The following RAD51B variants were observed in gnomAD, a reference collection of about 807,000 sequenced individuals.
The protein encoded by RAD51B is RAD51 paralog B.
RAD51B carries 38 observed loss-of-function variants against 42.2 expected under a neutral mutation model. The observed-to-expected ratio is 0.90, with a 90% CI of 0.70 to 1.18. The LOEUF is 1.18. Ranked by LOEUF, RAD51B falls within the 50% of genes most tolerant of loss-of-function variation. The pLI is 0.00. For synonymous variants in RAD51B, 154 were observed against 145.2 expected (o/e 1.06, Z -0.43); for missense variants, 373 against 400.7 (o/e 0.93, Z 0.59).
At chr14:68,492,659 C>T (rs556662412) in intron 10 of RAD51B, among the ~76,000 whole-genome samples, 1 of 152,268 alleles carries the variant, frequency 6.6e-6, no homozygotes, top group South Asian at 2.1e-4. Flanking sequence ...ATAGCAGGTG[C>T]CTAGTGGTAC....
chr14:68,642,330 G>A lies in RAD51B; in HGVS notation c.1037-8451G>A, dbSNP rs148055574. Among the ~76,000 whole-genome samples the A allele has an allele frequency of 2.1e-4, 32 of 152,164 alleles. No homozygotes were observed. In the East Asian group the frequency reaches 5.0e-3, roughly 24 times the overall value. On this transcript the variant is annotated intron_variant, in intron 10 of 11. Transcript: ENST00000488612. ...GTCTATTTCTTCTTGTATGAGTTTC[G>A]CCAGATTGTATCCTTTAAGGAATGA...
intron 10 of RAD51B, among the ~76,000 whole-genome samples, chr14:68,551,172 C>T (rs989739204): frequency 2.0e-5 from 3 of 152,186 alleles, no homozygotes; most frequent in South Asian, 2.1e-4. Flanking sequence ...TCTCCCCACA[C>T]GGCTGCTGTC....
intron 7 of RAD51B, among the ~76,000 whole-genome samples, chr14:68,127,633 A>T (rs2077792727): frequency 6.9e-6 from 1 of 145,078 alleles, no homozygotes; most frequent in South Asian, 2.1e-4. Flanking sequence ...ACACACACAC[A>T]CACACACACA....
chr14:68,537,224 C>G (rs1239192639), intron 10 of RAD51B, among the ~76,000 whole-genome samples: 1 of 151,964 alleles, frequency 6.6e-6, no homozygotes, highest in Non-Finnish European at 1.5e-5. Flanking sequence ...CATGGCCAGT[C>G]GCAGTGGCTC....
chr14:67,897,845 T>C (rs1438317293), intron 7 of RAD51B, among the ~76,000 whole-genome samples: 1 of 152,058 alleles, frequency 6.6e-6, no homozygotes, highest in South Asian at 2.1e-4. Context: ...AGAGATGAGG[T>C]TTCACCATGT....
chr14:68,423,071 G>C (rs1384839643), intron 9 of RAD51B, among the ~76,000 whole-genome samples: 1 of 152,100 alleles, frequency 6.6e-6, no homozygotes, highest in Non-Finnish European at 1.5e-5. Context: ...TCATTTTATT[G>C]TTACAAAGGG....
chr14:68,587,942 C>G (rs902017356), intron 10 of RAD51B, among the ~76,000 whole-genome samples: 5 of 152,184 alleles, frequency 3.3e-5, no homozygotes, highest in Admixed American at 2.6e-4. Context: ...TATAGATCCT[C>G]GCTCCTATAA....
chr14:68,572,169 C>A (rs538572854), intron 10 of RAD51B, among the ~76,000 whole-genome samples: 1 of 152,184 alleles, frequency 6.6e-6, no homozygotes, highest in Non-Finnish European at 1.5e-5. Flanking sequence ...AACAAAAGGT[C>A]GTCTGGCCAA....
intron 8 of RAD51B, among the ~76,000 whole-genome samples, chr14:68,371,042 AAAAAAAAAAAAAAG>A (rs1166500841): frequency 4.7e-5 from 6 of 128,266 alleles, no homozygotes; most frequent in African/African-American, 9.9e-5. Flanking sequence ...GTCTCAAAAA[AAAAAAAAAAAAAAG>A]AAAAAAAGAA....
At chr14:68,436,615 T>C (rs2085155082) in intron 9 of RAD51B, among the ~76,000 whole-genome samples, 1 of 152,184 alleles carries the variant, frequency 6.6e-6, no homozygotes, top group Non-Finnish European at 1.5e-5. Flanking sequence ...TTGCACAGTA[T>C]GGCCATTTTA....
At chr14:68,143,014 AG>A (rs1234944720) in intron 7 of RAD51B, among the ~76,000 whole-genome samples, 2 of 111,558 alleles carry the variant, frequency 1.8e-5, no homozygotes, top group African/African-American at 8.9e-5. Flanking sequence ...GCGGAGGGCG[AG>A]GGGGTGGGGG....
chr14:67,952,387 C>T lies in RAD51B; in HGVS notation c.756+65183C>T, dbSNP rs149672109. On this transcript the variant is annotated intron_variant, in intron 7 of 10. Transcript: ENST00000471583. Reference sequence around the variant, plus strand: ...GAAGCGTTTCTGCAATATTAATGAACGGACAGATATATGGGAAGAAGTGAT... The same window carrying T: ...GAAGCGTTTCTGCAATATTAATGAATGGACAGATATATGGGAAGAAGTGAT... Among the ~76,000 whole-genome samples the T allele has an allele frequency of 1.4e-4, 22 of 152,178 alleles. No individual in the cohort carries two copies. In the East Asian group the frequency reaches 2.7e-3, roughly 19 times the overall value.
At chr14:68,050,758 G>T (rs540717988) in intron 7 of RAD51B, among the ~76,000 whole-genome samples, 1 of 152,130 alleles carries the variant, frequency 6.6e-6, no homozygotes, top group South Asian at 2.1e-4. Flanking sequence ...AACAAGCTGT[G>T]TGTTTTTGCA....
chr14:68,587,101 G>A (rs868346571), intron 10 of RAD51B, among the ~76,000 whole-genome samples: 1 of 152,138 alleles, frequency 6.6e-6, no homozygotes, highest in Non-Finnish European at 1.5e-5. Context: ...TCTGCTATAT[G>A]TCAGTGTTCC....
intron 7 of RAD51B, among the ~76,000 whole-genome samples, chr14:68,009,007 C>G (rs1164157664): frequency 1.3e-5 from 2 of 151,926 alleles, no homozygotes; most frequent in African/African-American, 4.8e-5. Context: ...TCACTTTTAC[C>G]TTTAAATGAT....
chr14:68,103,314 A>T (rs1158832064), intron 7 of RAD51B, among the ~76,000 whole-genome samples: 1 of 152,188 alleles, frequency 6.6e-6, no homozygotes, highest in Admixed American at 6.5e-5. Flanking sequence ...AGGAGTTATC[A>T]TAATAGTTTC....
intron 7 of RAD51B, among the ~76,000 whole-genome samples, chr14:68,177,602 G>T (rs2078985607): frequency 6.6e-6 from 1 of 152,058 alleles, no homozygotes; most frequent in African/African-American, 2.4e-5. Context: ...ATTGGTGAGG[G>T]CGATGGAGGG....
At chr14:67,845,839 G>A (rs2041593792) in intron 4 of RAD51B, among the ~76,000 whole-genome samples, 1 of 152,128 alleles carries the variant, frequency 6.6e-6, no homozygotes, top group African/African-American at 2.4e-5. Context: ...CTTCCCTCTA[G>A]CTGCCTTTAA....
rs907779018 is a variant in RAD51B, at chr14:68,045,802, A to T, written c.756+158598A>T. On this transcript the variant is annotated intron_variant, in intron 7 of 10. Coordinates refer to ENST00000471583, the MANE Select transcript of RAD51B (RefSeq NM_133510.4). Reference sequence around the variant, plus strand: ...GGGGTAGTAGAAAAGGGAGCCAGATATGCAAACCTTTGGGGATGATGATTT... The same window carrying T: ...GGGGTAGTAGAAAAGGGAGCCAGATTTGCAAACCTTTGGGGATGATGATTT... Among the ~76,000 whole-genome samples, 7 of 152,340 alleles carry T rather than the reference A, an allele frequency of 4.6e-5. No individual in the cohort carries two copies. In the East Asian group the frequency reaches 1.3e-3, roughly 29 times the overall value.
Sources: allele counts gnomAD v4.1 joint callset (sites outside exome capture counted in the v4.1 genomes callset), GRCh38; gene constraint gnomAD v4.1.1; transcripts MANE v1.5; gene names NCBI Gene and HGNC (gene_info 2026-07-23, HGNC 2026-07-21).